Variants in MYRIP observed in about 807,000 individuals in gnomAD.
MYRIP encodes myosin VIIA and Rab interacting protein.
A neutral mutation model predicts 98.0 loss-of-function variants in MYRIP; 49 were observed. The observed-to-expected ratio is 0.50, with a 90% CI of 0.40 to 0.63. MYRIP has a LOEUF of 0.63. MYRIP is among the 30% of genes least tolerant of loss of function. The pLI is 0.00. For missense variants in MYRIP, 1,004 were observed against 1,058.2 expected, an observed-to-expected ratio of 0.95 and a Z score of 0.71; for synonymous variants, 404 against 409.5, an observed-to-expected ratio of 0.99 and a Z score of 0.16.
chr3:39,964,278 G>A (rs567933450), intron 2 of MYRIP, among the ~76,000 whole-genome samples: 32 of 152,164 alleles, frequency 2.1e-4, no homozygotes, highest in Admixed American at 7.9e-4. Context: ...TAAGCACTAT[G>A]AAGAGTTTTA....
chr3:39,878,174 G>A (rs144493182), intron 1 of MYRIP, among the ~76,000 whole-genome samples: 1 of 152,236 alleles, frequency 6.6e-6, no homozygotes, highest in Admixed American at 6.5e-5. Flanking sequence ...ATCTCCTGGT[G>A]TGCCGTTTTT....
intron 3 of MYRIP, among the ~76,000 whole-genome samples, chr3:40,133,916 C>T (rs573425922): frequency 3.3e-5 from 5 of 152,200 alleles, no homozygotes; most frequent in Admixed American, 1.3e-4. Context: ...CCAAGATGGC[C>T]GAGTAGGAAC....
intron 3 of MYRIP, among the ~76,000 whole-genome samples, chr3:40,106,824 C>T (rs1949057618): frequency 6.6e-6 from 1 of 151,768 alleles, no homozygotes; most frequent in Non-Finnish European, 1.5e-5. Context: ...TGGGCTTTTC[C>T]TGAATTTTGT....
At chr3:39,906,594 T>C (rs574751893) in intron 2 of MYRIP, among the ~76,000 whole-genome samples, 1 of 152,226 alleles carries the variant, frequency 6.6e-6, no homozygotes, top group Admixed American at 6.5e-5. Flanking sequence ...ATATGACTTT[T>C]TCCATACCTT....
intron 1 of MYRIP, among the ~76,000 whole-genome samples, chr3:39,896,419 T>C (rs1001957044): frequency 1.3e-5 from 2 of 152,188 alleles, no homozygotes; most frequent in East Asian, 1.9e-4. Context: ...CAGTGAGCCA[T>C]ACAGCCTAAG....
At chr3:40,249,677 A>G (rs1347998602) in intron 13 of MYRIP, among the ~76,000 whole-genome samples, 2 of 152,076 alleles carry the variant, frequency 1.3e-5, no homozygotes, top group African/African-American at 4.8e-5. Flanking sequence ...TGACCTTCCC[A>G]TGTTACAAAT....
chr3:40,235,982 C>T (rs1010735955), intron 12 of MYRIP, among the ~76,000 whole-genome samples: 1 of 152,196 alleles, frequency 6.6e-6, no homozygotes, highest in Non-Finnish European at 1.5e-5. Flanking sequence ...TACCTTTCTC[C>T]AGATTCAATA....
At chr3:40,238,001 C>T (rs1325934725) in intron 12 of MYRIP, among the ~76,000 whole-genome samples, 2 of 152,088 alleles carry the variant, frequency 1.3e-5, no homozygotes. Flanking sequence ...GGTTCATTAA[C>T]AGTTTCTATT....
chr3:40,222,851 A>G (rs945810807), intron 11 of MYRIP, among the ~76,000 whole-genome samples: 1 of 152,254 alleles, frequency 6.6e-6, no homozygotes, highest in African/African-American at 2.4e-5. Flanking sequence ...CAAAGAAAAT[A>G]TTCCTACCAG....
chr3:39,903,795 C>T (rs1943806729), intron 2 of MYRIP, among the ~76,000 whole-genome samples: 1 of 152,148 alleles, frequency 6.6e-6, no homozygotes, highest in Non-Finnish European at 1.5e-5. Context: ...TGGAGTAGGG[C>T]CAGTATTTTG....
chr3:39,876,493 C>T (rs2125637603), intron 1 of MYRIP, among the ~76,000 whole-genome samples: 1 of 152,216 alleles, frequency 6.6e-6, no homozygotes, highest in South Asian at 2.1e-4. Context: ...TTGTTCCTTT[C>T]CATGTTTAGT....
intron 4 of MYRIP, among the ~76,000 whole-genome samples, chr3:40,154,060 A>G (rs918738547): frequency 6.6e-6 from 1 of 152,080 alleles, no homozygotes; most frequent in Non-Finnish European, 1.5e-5. Flanking sequence ...GAATCGCTTG[A>G]ACCTGGGAGG....
intron 2 of MYRIP, among the ~76,000 whole-genome samples, chr3:39,959,950 T>C (rs1174734783): frequency 6.6e-6 from 1 of 152,028 alleles, no homozygotes; most frequent in Non-Finnish European, 1.5e-5. Flanking sequence ...GTACTTGTGA[T>C]ATGAGGTACA....
At chr3:39,852,776 T>G (rs552345889) in intron 1 of MYRIP, among the ~76,000 whole-genome samples, 6 of 145,054 alleles carry the variant, frequency 4.1e-5, no homozygotes, top group Admixed American at 6.8e-5. Flanking sequence ...TTCTCTTCTC[T>G]TCTGTTCTCC....
intron 1 of MYRIP, among the ~76,000 whole-genome samples, chr3:39,878,157 G>T (rs572566660): frequency 5.3e-5 from 8 of 152,174 alleles, no homozygotes; most frequent in Admixed American, 5.2e-4. Flanking sequence ...GCCATATGCG[G>T]GATATAATCT....
At chr3:40,033,877 T>C (rs1947316379) in intron 2 of MYRIP, among the ~76,000 whole-genome samples, 1 of 152,012 alleles carries the variant, frequency 6.6e-6, no homozygotes, top group South Asian at 2.1e-4. Flanking sequence ...AACAGAGACA[T>C]AGATCAATGG....
At chr3:40,146,097 ATTG>A (rs1371195111) in intron 3 of MYRIP, among the ~76,000 whole-genome samples, 3 of 152,240 alleles carry the variant, frequency 2.0e-5, no homozygotes, top group Non-Finnish European at 4.4e-5. Flanking sequence ...TATACTGATT[ATTG>A]TTGTAATTAC....
chr3:40,162,172 AC>A (rs1190517143), intron 4 of MYRIP, among the ~76,000 whole-genome samples: 1 of 152,070 alleles, frequency 6.6e-6, no homozygotes, highest in African/African-American at 2.4e-5. Flanking sequence ...CCATCAAAGC[AC>A]TTAACCTATC....
intron 3 of MYRIP, among the ~76,000 whole-genome samples, chr3:40,055,406 A>G (rs1242660915): frequency 1.3e-5 from 2 of 152,218 alleles, no homozygotes; most frequent in Admixed American, 6.5e-5. Flanking sequence ...ATCATAGGTA[A>G]TGCTCCTCAT....
Sources: allele counts gnomAD v4.1 joint callset (sites outside exome capture counted in the v4.1 genomes callset), GRCh38; gene constraint gnomAD v4.1.1; transcripts MANE v1.5; gene names NCBI Gene and HGNC (gene_info 2026-07-23, HGNC 2026-07-21).